The following NAALADL2 variants were observed in gnomAD, a reference collection of about 807,000 sequenced individuals.
NAALADL2 encodes the protein inactive N-acetylated-alpha-linked acidic dipeptidase-like protein 2.
In NAALADL2, 76 loss-of-function variants were observed where a neutral mutation model predicts 87.2. The observed-to-expected ratio is 0.87, with a 90% CI of 0.72 to 1.05. The LOEUF (loss-of-function observed/expected upper bound fraction) is 1.05. NAALADL2 is among the 50% of genes least tolerant of loss of function. The probability of loss-of-function intolerance (pLI) is 0.00; values close to 1 mark genes in which losing one functional copy is unlikely to be tolerated. For missense variants in NAALADL2, 1,089 were observed against 945.8 expected (o/e 1.15, Z -1.99); for synonymous variants, 354 against 331.0 (o/e 1.07, Z -0.75).
intron 2 of NAALADL2, among the ~76,000 whole-genome samples, chr3:174,728,055 GT>G (rs974457994): frequency 6.6e-6 from 1 of 151,784 alleles, no homozygotes; most frequent in African/African-American, 2.4e-5. Flanking sequence ...TGATAACTCA[GT>G]TTTTTTTAGT....
chr3:175,358,389 C>T (rs995605880), intron 5 of NAALADL2, among the ~76,000 whole-genome samples: 1 of 151,504 alleles, frequency 6.6e-6, no homozygotes, highest in Admixed American at 6.6e-5. Context: ...GAGTCTGATT[C>T]AATTACTGGA....
chr3:175,268,942 ATTT>A (rs71164626), intron 4 of NAALADL2, among the ~76,000 whole-genome samples: 7,191 of 143,032 alleles, frequency 0.05, 237 homozygotes, highest in Middle Eastern at 0.087. Flanking sequence ...TAACTATTTA[ATTT>A]TTTTTTTTTT....
At chr3:174,463,976 A>G (rs1716370142) in intron 1 of NAALADL2, among the ~76,000 whole-genome samples, 1 of 152,136 alleles carries the variant, frequency 6.6e-6, no homozygotes, top group Non-Finnish European at 1.5e-5. Context: ...GTTTAAAAAG[A>G]AGTGATTGAA....
chr3:175,716,292 C>T (rs1208182820), intron 11 of NAALADL2, among the ~76,000 whole-genome samples: 4 of 143,860 alleles, frequency 2.8e-5, no homozygotes, highest in Non-Finnish European at 6.0e-5. Flanking sequence ...TATGTTATTA[C>T]ACATATAAGA....
intron 10 of NAALADL2, among the ~76,000 whole-genome samples, chr3:175,613,395 T>A (rs970088592): frequency 6.6e-6 from 1 of 152,196 alleles, no homozygotes; most frequent in Non-Finnish European, 1.5e-5. Flanking sequence ...AGACTTAAAA[T>A]TACTGAAGAA....
intron 5 of NAALADL2, among the ~76,000 whole-genome samples, chr3:175,399,083 A>AACCTAGGTACTTTCTTTT (rs914181604): frequency 2.0e-5 from 3 of 152,008 alleles, no homozygotes; most frequent in African/African-American, 7.2e-5. Flanking sequence ...ACTTTTTTTT[A>AACCTAGGTACTTTCTTTT]ACCTAGGTAC....
intron 12 of NAALADL2, among the ~76,000 whole-genome samples, chr3:175,749,603 C>G (rs1310821780): frequency 6.6e-6 from 1 of 152,128 alleles, no homozygotes; most frequent in Non-Finnish European, 1.5e-5. Context: ...GCATGAAACC[C>G]ACCCATAAAA....
intron 13 of NAALADL2, among the ~76,000 whole-genome samples, chr3:175,767,015 A>G (rs1313955087): frequency 6.6e-6 from 1 of 152,162 alleles, no homozygotes; most frequent in Non-Finnish European, 1.5e-5. Flanking sequence ...AGTCCTGTAC[A>G]CCATCCCCAG....
intron 5 of NAALADL2, among the ~76,000 whole-genome samples, chr3:175,396,524 A>G (rs756878058): frequency 2.8e-5 from 4 of 144,160 alleles, no homozygotes; most frequent in African/African-American, 7.5e-5. Flanking sequence ...ATTGAAGCAC[A>G]CATAACCAAA....
At chr3:175,280,744 A>T (rs1434067745) in intron 4 of NAALADL2, among the ~76,000 whole-genome samples, 1 of 152,050 alleles carries the variant, frequency 6.6e-6, no homozygotes, top group Non-Finnish European at 1.5e-5. Context: ...AGCTTAGCAA[A>T]GTACACAGGA....
chr3:175,517,169 C>T (rs910380977), intron 9 of NAALADL2, among the ~76,000 whole-genome samples: 4 of 152,126 alleles, frequency 2.6e-5, no homozygotes, highest in Non-Finnish European at 5.9e-5. Flanking sequence ...AAAGTTTCTA[C>T]TCCTAAATAC....
At chr3:175,492,341 A>G (rs1728221172) in intron 9 of NAALADL2, among the ~76,000 whole-genome samples, 2 of 152,122 alleles carry the variant, frequency 1.3e-5, no homozygotes, top group Admixed American at 6.6e-5. Context: ...CTTGAAGTTG[A>G]ATTTGAGGCT....
chr3:174,673,910 G>A (rs1421298404), intron 2 of NAALADL2, among the ~76,000 whole-genome samples: 1 of 150,522 alleles, frequency 6.6e-6, no homozygotes, highest in South Asian at 2.1e-4. Context: ...AATATCACAT[G>A]TACCACATAA....
intron 2 of NAALADL2, among the ~76,000 whole-genome samples, chr3:174,613,124 A>G (rs1720097844): frequency 6.6e-6 from 1 of 152,162 alleles, no homozygotes; most frequent in African/African-American, 2.4e-5. Context: ...TTCTTCCATT[A>G]GTTTCTCCCC....
rs540903155 is a variant in NAALADL2, at chr3:175,567,840, C to T, written c.1654-8201C>T. Among the ~76,000 whole-genome samples, 126 of 151,998 alleles carry T rather than the reference C, an allele frequency of 8.3e-4. 1 individual carries two copies. Among genetic ancestry groups the T allele is most frequent in the African/African-American group, 2.6e-3 (109 of 41,502 alleles). ...AAGCAATCCTCCTGCCTCTACCTCC[C>T]GAGTAGCTGGGACTACAGGCGTGTG... On this transcript the variant is annotated intron_variant, in intron 9 of 13. Transcript: ENST00000454872.
intron 2 of NAALADL2, among the ~76,000 whole-genome samples, chr3:174,664,608 A>G (rs1353958000): frequency 6.6e-6 from 1 of 152,186 alleles, no homozygotes; most frequent in African/African-American, 2.4e-5. Flanking sequence ...TTTTAAATGT[A>G]TACATACCTA....
intron 9 of NAALADL2, among the ~76,000 whole-genome samples, chr3:175,486,645 A>G (rs953864526): frequency 1.3e-5 from 2 of 152,174 alleles, no homozygotes; most frequent in Non-Finnish European, 2.9e-5. Flanking sequence ...CTCTAGAATG[A>G]AACTTTTTAA....
Position 174,803,940 on chromosome 3 carries a change from G to C in NAALADL2, c.-9+66194G>C, listed in dbSNP as rs774174586. Among the ~76,000 whole-genome samples the C allele has an allele frequency of 2.0e-5, 3 of 151,904 alleles. No homozygotes were observed. In the East Asian group the frequency reaches 5.8e-4, roughly 29 times the overall value. On this transcript the variant is annotated intron_variant, in intron 3 of 3. Transcript: ENST00000434257. Reference sequence around the variant, plus strand: ...CTTTGTTCTTTTGCTTAGGATTGTCGTGGCTATGCGGGCTCTTTTTTGGTT... The same window carrying C: ...CTTTGTTCTTTTGCTTAGGATTGTCCTGGCTATGCGGGCTCTTTTTTGGTT...
chr3:175,205,629 C>T (rs148594316), intron 2 of NAALADL2, among the ~76,000 whole-genome samples: 2 of 152,124 alleles, frequency 1.3e-5, no homozygotes, highest in South Asian at 4.1e-4. Flanking sequence ...TTTTGCATGA[C>T]AAAAGCAACA....
Sources: allele counts gnomAD v4.1 joint callset (sites outside exome capture counted in the v4.1 genomes callset), GRCh38; gene constraint gnomAD v4.1.1; transcripts MANE v1.5; gene names NCBI Gene and HGNC (gene_info 2026-07-23, HGNC 2026-07-21).